SGCZ: variants seen among roughly 807,000 people sequenced by gnomAD.
The protein encoded by SGCZ is zeta-sarcoglycan.
A neutral mutation model predicts 41.3 loss-of-function variants in SGCZ; 40 were observed. The ratio of observed to expected loss-of-function variants is 0.97; its 90% CI spans 0.75 to 1.26. The LOEUF (loss-of-function observed/expected upper bound fraction) is 1.26. Ranked by LOEUF, SGCZ falls within the 50% of genes most tolerant of loss-of-function variation. The pLI is 0.00. For synonymous variants in SGCZ, 206 were observed against 137.5 expected (o/e 1.50, Z -3.49); for missense variants, 552 against 369.8 (o/e 1.49, Z -4.04).
intron 2 of SGCZ, among the ~76,000 whole-genome samples, chr8:14,489,498 C>A (rs1477075908): frequency 6.6e-6 from 1 of 151,930 alleles, no homozygotes; most frequent in African/African-American, 2.4e-5. Context: ...TGTGTGAGTG[C>A]ATGTGCCTGT....
At chr8:14,325,272 A>T (rs904037452) in intron 2 of SGCZ, among the ~76,000 whole-genome samples, 1 of 152,086 alleles carries the variant, frequency 6.6e-6, no homozygotes, top group Non-Finnish European at 1.5e-5. Flanking sequence ...AAAAATTTAC[A>T]GACTTGTTGA....
intron 1 of SGCZ, among the ~76,000 whole-genome samples, chr8:14,805,568 A>G (rs889903768): frequency 3.7e-5 from 5 of 133,818 alleles, no homozygotes; most frequent in Non-Finnish European, 5.0e-5. Context: ...AGGAGCACCC[A>G]GATTCATAAA....
At chr8:15,078,139 G>A (rs1585539614) in intron 1 of SGCZ, among the ~76,000 whole-genome samples, 1 of 135,156 alleles carries the variant, frequency 7.4e-6, no homozygotes, top group African/African-American at 2.9e-5. Context: ...CTGTTGGCAG[G>A]AACTCTTCTT....
chr8:14,475,236 A>G (rs1585564493), intron 2 of SGCZ, among the ~76,000 whole-genome samples: 1 of 152,152 alleles, frequency 6.6e-6, no homozygotes, highest in South Asian at 2.1e-4. Context: ...TTTTTATTCC[A>G]GTATATTTCA....
intron 1 of SGCZ, among the ~76,000 whole-genome samples, chr8:14,808,684 G>A (rs1431826323): frequency 6.6e-6 from 1 of 152,024 alleles, no homozygotes; most frequent in Non-Finnish European, 1.5e-5. Flanking sequence ...ATTCCTCAGG[G>A]ATCTAGAACT....
At chr8:14,428,253 A>G (rs189958103) in intron 2 of SGCZ, among the ~76,000 whole-genome samples, 2 of 152,004 alleles carry the variant, frequency 1.3e-5, no homozygotes, top group African/African-American at 4.8e-5. Context: ...TATAATATGT[A>G]GGGTAAATAT....
In SGCZ at chr8:14,566,548, T is replaced by C. The variant is rs144585528; in HGVS notation, c.40-11622A>G. ...TCATTACTTACAACTGAGGTACACCTATATCATGAGTACAATTTGCCTTTC... is the reference window on the plus strand; with the variant it reads ...TCATTACTTACAACTGAGGTACACCCATATCATGAGTACAATTTGCCTTTC... On this transcript the variant is annotated intron_variant, in intron 1 of 7. Coordinates refer to ENST00000382080, the MANE Select transcript of SGCZ (RefSeq NM_139167.4). Among the ~76,000 whole-genome samples the C allele has an allele frequency of 6.6e-5, 10 of 152,352 alleles. No homozygotes were observed. In the East Asian group the frequency reaches 1.7e-3, roughly 26 times the overall value.
intron 7 of SGCZ, among the ~76,000 whole-genome samples, chr8:14,093,060 C>A (rs192554500): frequency 6.6e-6 from 1 of 151,942 alleles, no homozygotes; most frequent in Non-Finnish European, 1.5e-5. Context: ...AGAAAAAAAA[C>A]GGATCTTGAA....
chr8:14,826,592 C>T (rs1802329671), intron 1 of SGCZ, among the ~76,000 whole-genome samples: 1 of 152,100 alleles, frequency 6.6e-6, no homozygotes, highest in Non-Finnish European at 1.5e-5. Context: ...CTCTCCAGCA[C>T]CTGTTGTTTC....
At chr8:14,513,881 G>A (rs1802535897) in intron 2 of SGCZ, among the ~76,000 whole-genome samples, 1 of 151,808 alleles carries the variant, frequency 6.6e-6, no homozygotes, top group Non-Finnish European at 1.5e-5. Context: ...CATTTTTTTT[G>A]GGGGACAATG....
intron 1 of SGCZ, among the ~76,000 whole-genome samples, chr8:14,577,047 C>G (rs1460687031): frequency 6.6e-6 from 1 of 152,166 alleles, no homozygotes; most frequent in Non-Finnish European, 1.5e-5. Context: ...CATTTCTTGA[C>G]TAAGATCTTT....
chr8:14,426,450 A>G (rs555326338), intron 2 of SGCZ, among the ~76,000 whole-genome samples: 2 of 121,378 alleles, frequency 1.6e-5, no homozygotes, highest in South Asian at 4.4e-4. Context: ...CAATGCAAAT[A>G]TGTGTATGCC....
chr8:14,656,101 C>T (rs1807559391), intron 1 of SGCZ, among the ~76,000 whole-genome samples: 1 of 151,952 alleles, frequency 6.6e-6, no homozygotes, highest in Admixed American at 6.6e-5. Context: ...GTTTTTATTT[C>T]CCCAGGAAAA....
intron 2 of SGCZ, among the ~76,000 whole-genome samples, chr8:14,397,160 C>T (rs1036776774): frequency 6.6e-6 from 1 of 152,066 alleles, no homozygotes; most frequent in Non-Finnish European, 1.5e-5. Context: ...AAAATTCTGA[C>T]TGACTTTTCA....
At chr8:14,761,255 GTACA>G (rs1324896518) in intron 1 of SGCZ, among the ~76,000 whole-genome samples, 1 of 152,028 alleles carries the variant, frequency 6.6e-6, no homozygotes, top group Admixed American at 6.6e-5. Context: ...TTTCTGAAAA[GTACA>G]TATGTGAGAT....
intron 2 of SGCZ, among the ~76,000 whole-genome samples, chr8:14,523,161 A>G (rs1384807415): frequency 6.6e-6 from 1 of 151,992 alleles, no homozygotes; most frequent in African/African-American, 2.4e-5. Context: ...CACTTTAGAG[A>G]GTGTTGTAAT....
At position 14,237,589 on chromosome 8, in the gene SGCZ, C is replaced by T. The variant is rs1413810411; in HGVS notation, c.424+3G>A. The T allele has an allele frequency of 3.1e-6, 5 of 1,613,132 alleles. No individual in the cohort carries two copies. In the South Asian group the frequency reaches 4.4e-5, roughly 14 times the overall value. On this transcript the variant is annotated splice_donor_region_variant and intron_variant, in intron 4 of 7. Transcript: ENST00000382080. The stretch of plus-strand genomic sequence containing the variant: ...GGAGCAATCTTTACCCCAAAACACT[C>T]ACCTATGGTCAGCTGTCCGGTTAAC...
At chr8:14,664,750 A>G (rs1470616112) in intron 1 of SGCZ, among the ~76,000 whole-genome samples, 1 of 152,320 alleles carries the variant, frequency 6.6e-6, no homozygotes, top group East Asian at 1.9e-4. Flanking sequence ...TCAGCTGTTG[A>G]CATTACTCTC....
chr8:14,666,181 G>A (rs1458194818), intron 1 of SGCZ, among the ~76,000 whole-genome samples: 3 of 152,206 alleles, frequency 2.0e-5, no homozygotes, highest in East Asian at 1.9e-4. Flanking sequence ...CAAATACTAG[G>A]GTTGCATCCA....
Sources: allele counts gnomAD v4.1 joint callset (sites outside exome capture counted in the v4.1 genomes callset), GRCh38; gene constraint gnomAD v4.1.1; transcripts MANE v1.5; gene names NCBI Gene and HGNC (gene_info 2026-07-23, HGNC 2026-07-21).